Variants in NEMP1 observed in about 807,000 individuals in gnomAD.
The protein encoded by NEMP1 is nuclear envelope integral membrane protein 1.
Under a neutral mutation model 53.7 loss-of-function variants are expected in NEMP1, and 29 were observed. That is an observed-to-expected ratio of 0.54 (90% CI 0.40 to 0.74). The LOEUF is 0.74. NEMP1 is among the 30% of genes least tolerant of loss of function. The pLI, the probability that NEMP1 is intolerant of heterozygous loss-of-function variation, is 0.00. For missense variants in NEMP1, 477 were observed against 528.6 expected, an observed-to-expected ratio of 0.90 and a Z score of 0.96; for synonymous variants, 193 against 192.9, an observed-to-expected ratio of 1.00 and a Z score of 0.00.
intron 1 of NEMP1, among the ~76,000 whole-genome samples, chr12:57,077,162 C>G (rs919569564): frequency 4.0e-5 from 6 of 151,584 alleles, no homozygotes; most frequent in Non-Finnish European, 8.8e-5. Flanking sequence ...GAAACCCCCT[C>G]TCTACTAAAA....
upstream of NEMP1, among the ~76,000 whole-genome samples, chr12:57,082,119 G>A (rs1278141963): frequency 6.6e-6 from 1 of 152,102 alleles, no homozygotes; most frequent in East Asian, 1.9e-4. Context: ...AGGAGGCTGA[G>A]GCAGGAGAAT....
upstream of NEMP1, among the ~76,000 whole-genome samples, chr12:57,083,669 GA>G (rs1172357898): frequency 1.3e-5 from 2 of 152,232 alleles, no homozygotes; most frequent in African/African-American, 4.8e-5. Context: ...GTGAAAGATG[GA>G]AAAGTGAAAA....
chr12:57,070,937 A>C (rs758485036), intron 2 of NEMP1, 44 bp from the exon 3 acceptor site: 3 of 1,514,384 alleles, frequency 2.0e-6, no homozygotes, highest in Admixed American at 2.1e-5. Context: ...GGAAGTAGGA[A>C]TTTTAATTTT....
rs544574759 is a variant in NEMP1, at chr12:57,060,822, A to G, written c.1104T>C (p.Ser368=). Reference sequence around the variant, plus strand: ...CAGTCTTCCAAGCAGAGCAGTCTGGACTGTTACAAAATTCTCGGAGCTCCT... The same window carrying G: ...CAGTCTTCCAAGCAGAGCAGTCTGGGCTGTTACAAAATTCTCGGAGCTCCT... ...ALEELREFCN[S]PDCSAWKTVS... is the part of the protein sequence containing the mutation. Residue 368 remains serine, a synonymous_variant, in exon 8 of 9, where the codon AGT becomes AGC. Coordinates refer to ENST00000300128, the MANE Select transcript of NEMP1 (RefSeq NM_001130963.2). 1 of 1,614,082 alleles carries G rather than the reference A, an allele frequency of 6.2e-7. No individual in the cohort carries two copies. The highest frequency in any genetic ancestry group is 2.2e-5 in the East Asian group (1 of 44,882).
chr12:57,079,124 G>C (rs979940709), upstream of NEMP1, among the ~76,000 whole-genome samples: 1 of 152,198 alleles, frequency 6.6e-6, no homozygotes, highest in Non-Finnish European at 1.5e-5. Context: ...CATAGAAGCT[G>C]TCTGAAGTTC....
At chr12:57,086,570 T>C (rs3759134) in intron 1 of NEMP1, among the ~76,000 whole-genome samples, 15,797 of 152,128 alleles carry the variant, frequency 0.1, 855 homozygotes, top group East Asian at 0.19. Flanking sequence ...TGTTTTTCTA[T>C]AGTTTCCCAT....
At chr12:57,075,038 G>C (rs1050703332) in intron 1 of NEMP1, among the ~76,000 whole-genome samples, 2 of 151,340 alleles carry the variant, frequency 1.3e-5, no homozygotes, top group South Asian at 2.1e-4. Context: ...GCAGTGAGCC[G>C]AGATCGCGCC....
Position 57,063,330 on chromosome 12 carries a change from C to G in NEMP1, c.769G>C (p.Val257Leu), listed in dbSNP as rs779331073. The G allele has an allele frequency of 9.3e-6, 15 of 1,614,090 alleles. No individual in the cohort carries two copies. Among genetic ancestry groups the G allele is most frequent in the Non-Finnish European group, 1.3e-5 (15 of 1,179,918 alleles). The change falls in exon 7 of 9, where the codon GTT becomes CTT. Residue 257 changes from valine (V) to leucine (L), a missense_variant. Physicochemically the swap from Val to Leu is conservative, Grantham distance 32. Coordinates refer to ENST00000300128, the MANE Select transcript of NEMP1 (RefSeq NM_001130963.2). ...WQYLLSYVLT[V>L]GFMSFAVCYK... is the part of the protein sequence containing the mutation. Reference sequence around the variant, plus strand: ...CATACTGCAAAACTCATGAATCCAACTGTGAGGACATAACCTATGAGAAGA... The same window carrying G: ...CATACTGCAAAACTCATGAATCCAAGTGTGAGGACATAACCTATGAGAAGA...
At chr12:57,082,029 C>T (rs1014258091), upstream of NEMP1, among the ~76,000 whole-genome samples, 2 of 151,264 alleles carry the variant, frequency 1.3e-5, no homozygotes, top group Non-Finnish European at 2.9e-5. Context: ...CCAGCCTGGC[C>T]ACCATAGTGA....
rs745506037 is a variant in NEMP1 at position 57,071,528 on chromosome 12, G to A, written c.253-635C>T. On this transcript the variant is annotated intron_variant, in intron 2 of 8. Transcript: ENST00000300128. ...GAGTAGCTGGGACTACAGGGTGTGC[G>A]CCACCATGCCCAGTTAATTTTTGTA... Among the ~76,000 whole-genome samples the A allele has an allele frequency of 7.2e-5, 11 of 152,012 alleles. No homozygotes were observed. The East Asian group carries it at 1.5e-3, about 21-fold the overall frequency.
chr12:57,069,141 G>A (rs1592507981), intron 4 of NEMP1, 93 bp downstream of exon 4: 2 of 791,756 alleles, frequency 2.5e-6, no homozygotes, highest in East Asian at 6.2e-5. Context: ...TAAAGGTCCT[G>A]GAAATGGGAA....
In NEMP1 at chr12:57,057,523, C is replaced by CA. The variant is rs1346517826; in HGVS notation, c.*2355dup. 1 of 152,588 alleles carries CA rather than the reference C, an allele frequency of 6.6e-6. No individual in the cohort carries two copies. The highest frequency in any genetic ancestry group is 1.5e-5 in the Non-Finnish European group (1 of 68,282). The allele number at this position is 152,588 out of a possible 1,614,324, so 9.5% of individuals were successfully genotyped here. On this transcript the variant is annotated 3_prime_UTR_variant, in exon 9 of 9. Transcript: ENST00000300128. Reference sequence around the variant, plus strand: ...AGGATCTGAAGCATCTGGGCAGAGCCACAGGCAGGCAGGGCAAGGACACAC... The same window carrying CA: ...AGGATCTGAAGCATCTGGGCAGAGCCAACAGGCAGGCAGGGCAAGGACACAC...
rs749758386 is a variant in NEMP1 at position 57,060,859 on chromosome 12, C to T, written c.1067G>A (p.Arg356Gln). 12 of 1,614,048 alleles carry T rather than the reference C, an allele frequency of 7.4e-6. No homozygotes were observed. The highest frequency in any genetic ancestry group is 1.6e-4 in the Middle Eastern group (1 of 6,084). Residue 356 changes from arginine to glutamine, a missense_variant, in exon 8 of 9, where the codon CGA becomes CAA. Arg to Gln is a conservative substitution (Grantham distance 43). Transcript: ENST00000300128. ...TTCTCGGAGCTCCTCTAAAGCCTTT[C>T]GGGTTTCTACCTCTCCTTGTATCCG... ...EYRIQGEVETRKALEELREFC... is the reference protein window; with the variant it reads ...EYRIQGEVETQKALEELREFC...
intron 4 of NEMP1, among the ~76,000 whole-genome samples, chr12:57,067,556 G>A (rs951074349): frequency 2.6e-4 from 39 of 152,148 alleles, no homozygotes; most frequent in African/African-American, 9.2e-4. Context: ...GGGTTGCCAC[G>A]AACCTTCAAT....
At chr12:57,077,099 G>A (rs918627080) in intron 1 of NEMP1, among the ~76,000 whole-genome samples, 4 of 152,092 alleles carry the variant, frequency 2.6e-5, no homozygotes, top group South Asian at 2.1e-4. Flanking sequence ...TTGGGAGGCC[G>A]AGGCGGGCGG....
At chr12:57,071,670 C>A (rs1273754837) in intron 2 of NEMP1, among the ~76,000 whole-genome samples, 6 of 152,136 alleles carry the variant, frequency 3.9e-5, no homozygotes, top group African/African-American at 1.2e-4. Context: ...TGAGCCACTG[C>A]GCCCGGCTTG....
intron 1 of NEMP1, among the ~76,000 whole-genome samples, chr12:57,075,072 G>C (rs2032538070): frequency 6.6e-6 from 1 of 151,462 alleles, no homozygotes; most frequent in South Asian, 2.1e-4. Context: ...CTGGGTGACA[G>C]AGCAAGACTA....
chr12:57,058,128 T>C lies in NEMP1; in HGVS notation c.*1751A>G, dbSNP rs535668789. ...AGCATCTGCCCAAATACTGCTCATT[T>C]TTCACTTTCTACTATATGTCTCTTT... is the stretch of plus-strand genomic sequence containing the variant. On this transcript the variant is annotated 3_prime_UTR_variant, in exon 9 of 9. Coordinates refer to ENST00000300128, the MANE Select transcript of NEMP1 (RefSeq NM_001130963.2). 4.6e-5 allele frequency: 7 copies of C among 152,346 alleles called. No individual in the cohort carries two copies. Among genetic ancestry groups the C allele is most frequent in the African/African-American group, 1.4e-4 (6 of 41,564 alleles). The allele number at this position is 152,346 out of a possible 1,614,324, so 9.4% of individuals were successfully genotyped here. A position where few individuals can be genotyped will look rare whatever the true frequency, so the allele number is the denominator to read the frequency against.
chr12:57,078,218 G>C (rs2032723333), intron 1 of NEMP1, among the ~76,000 whole-genome samples: 1 of 152,188 alleles, frequency 6.6e-6, no homozygotes, highest in Admixed American at 6.5e-5. Context: ...GGTGTTTGCT[G>C]ATTTGCCGAA....
Sources: gnomAD v4.1 joint callset for allele counts (sites outside exome capture counted in the v4.1 genomes callset) on GRCh38, gnomAD v4.1.1 for gene constraint, MANE v1.5 for transcripts, NCBI Gene and HGNC (gene_info 2026-07-23, HGNC 2026-07-21) for gene names.